ARL10: variants seen among roughly 807,000 people sequenced by gnomAD.
ARL10 encodes ADP-ribosylation factor-like protein 10.
Under a neutral mutation model 26.1 loss-of-function variants are expected in ARL10, and 23 were observed. The observed-to-expected ratio is 0.88, with a 90% confidence interval of 0.63 to 1.25. ARL10 has a LOEUF of 1.25. ARL10 is among the 50% of genes most tolerant of loss of function. The pLI, the probability that ARL10 is intolerant of heterozygous loss-of-function variation, is 0.00. For missense variants in ARL10, 300 were observed against 323.6 expected (o/e 0.93, Z 0.56); for synonymous variants, 138 against 149.1 (o/e 0.93, Z 0.54).
At chr5:176,412,365 C>T in the ARL10 span, among the ~76,000 whole-genome samples, 1 of 152,076 alleles carries the variant, frequency 6.6e-6, no homozygotes, top group South Asian at 2.1e-4. Context: ...TTACTCATGA[C>T]CCCCAGGGTC....
chr5:176,389,208 A>C (rs955167718), downstream of ARL10: 11 of 1,250,506 alleles, frequency 8.8e-6, no homozygotes, highest in Non-Finnish European at 1.1e-5. Context: ...GACTCGACCT[A>C]CCCTCGCCGC....
In ARL10 at chr5:176,365,670, G is replaced by A. The variant is rs1203223120; in HGVS notation, c.107G>A (p.Arg36Gln). The A allele has an allele frequency of 1.6e-6, 2 of 1,249,488 alleles. No homozygotes were observed. Among genetic ancestry groups the A allele is most frequent in the Middle Eastern group, 2.1e-4 (1 of 4,778 alleles). The allele number at this position is 1,249,488 out of a possible 1,614,324, so 77.4% of individuals were successfully genotyped here. A position where few individuals can be genotyped will look rare whatever the true frequency, so the allele number is the denominator to read the frequency against. Residue 36 changes from arginine to glutamine, a missense_variant, in exon 1 of 4, where the codon CGA (arginine) becomes CAA (glutamine). Coordinates refer to ENST00000310389, the MANE Select transcript of ARL10 (RefSeq NM_173664.6). ...ILWKTYFGRG[R>Q]ERRWDRGEAW... ...TGGAAGACCTACTTCGGCCGCGGCC[G>A]AGAGCGGCGCTGGGACCGGGGAGAG...
At chr5:176,367,168 C>T (rs1250611386) in intron 2 of ARL10, among the ~76,000 whole-genome samples, 1 of 152,000 alleles carries the variant, frequency 6.6e-6, no homozygotes, top group African/African-American at 2.4e-5. Flanking sequence ...CCACCACGCC[C>T]GGCTAATTTT....
At chr5:176,400,278 T>C (rs1756754473) in intron 1 of ARL10, among the ~76,000 whole-genome samples, 1 of 152,198 alleles carries the variant, frequency 6.6e-6, no homozygotes, top group Non-Finnish European at 1.5e-5. Context: ...GATTTAATAC[T>C]ATAATATTTG....
At chr5:176,388,574 T>A (rs975052787) in exon 2 of ARL10, 1 of 1,567,846 alleles carries the variant, frequency 6.4e-7, no homozygotes, top group Non-Finnish European at 8.8e-7. Context: ...TCAAACACGC[T>A]GCCTCTGTCT....
At chr5:176,371,585 CCGGGGA>C (rs1768546293) in intron 3 of ARL10, 131 bp from the exon 4 acceptor site, 6 of 571,082 alleles carry the variant, frequency 1.1e-5, no homozygotes, top group African/African-American at 4.0e-5. Context: ...CCTGATATTC[CCGGGGA>C]TAGCCTAAGA....
At chr5:176,412,174 CAAAA>C in the ARL10 span, among the ~76,000 whole-genome samples, 1 of 82,376 alleles carries the variant, frequency 1.2e-5, no homozygotes, top group Non-Finnish European at 2.4e-5. Flanking sequence ...AGACTCATCT[CAAAA>C]AAAAAAAAAA....
chr5:176,370,356 C>G (rs577423659), intron 3 of ARL10, among the ~76,000 whole-genome samples: 1 of 152,296 alleles, frequency 6.6e-6, no homozygotes, highest in African/African-American at 2.4e-5. Context: ...TATCACAGAC[C>G]TTGGGTCCCA....
chr5:176,410,995 G>A, the ARL10 span, among the ~76,000 whole-genome samples: 7 of 152,044 alleles, frequency 4.6e-5, no homozygotes, highest in Non-Finnish European at 1.0e-4. Context: ...ACTCTCTCCC[G>A]CAGCTCAGCC....
the ARL10 span, among the ~76,000 whole-genome samples, chr5:176,408,931 A>G: frequency 1.0e-4 from 15 of 150,260 alleles, no homozygotes; most frequent in African/African-American, 3.2e-4. Flanking sequence ...GGGGCTAACC[A>G]TTGTTAACAG....
chr5:176,413,589 A>G, the ARL10 span, among the ~76,000 whole-genome samples: 6 of 152,200 alleles, frequency 3.9e-5, no homozygotes, highest in African/African-American at 1.2e-4. Flanking sequence ...GGACCCCAAC[A>G]TCTAAGAGAA....
chr5:176,367,488 G>T (rs567995782), intron 2 of ARL10, among the ~76,000 whole-genome samples: 69 of 152,330 alleles, frequency 4.5e-4, no homozygotes, highest in African/African-American at 1.3e-3. Context: ...GTGTCAGCTA[G>T]AGAAAACCCA....
chr5:176,404,662 A>G (rs546476637), downstream of ARL10, among the ~76,000 whole-genome samples: 151 of 152,214 alleles, frequency 9.9e-4, 2 homozygotes, highest in Middle Eastern at 3.4e-3. Flanking sequence ...CATCTCCGCC[A>G]CCTGCCACCA....
At chr5:176,386,829 A>G (rs758511158), downstream of ARL10, 7 of 1,612,110 alleles carry the variant, frequency 4.3e-6, no homozygotes, top group East Asian at 1.3e-4. Context: ...GAATATATGG[A>G]CCACACCCAC....
downstream of ARL10, among the ~76,000 whole-genome samples, chr5:176,389,942 G>A (rs1033294146): frequency 6.6e-6 from 1 of 152,084 alleles, no homozygotes; most frequent in Non-Finnish European, 1.5e-5. Flanking sequence ...CAGCACTCTG[G>A]GAGGCCGAAG....
downstream of ARL10, chr5:176,384,966 C>G: frequency 1.7e-6 from 1 of 580,312 alleles, no homozygotes; most frequent in African/African-American, 1.9e-5. Context: ...GTCTTGAAAA[C>G]AAAAACAAAC....
chr5:176,410,667 G>C, the ARL10 span, among the ~76,000 whole-genome samples: 28 of 151,720 alleles, frequency 1.8e-4, no homozygotes, highest in Non-Finnish European at 3.7e-4. Flanking sequence ...GGAATGGCCA[G>C]ATTACCTGTG....
rs1768658780 is a variant in ARL10, at chr5:176,375,208, T to TCCACC, written c.*3314_*3315insCACCC. 3.5e-5 allele frequency: 1 copy of TCCACC among 28,360 alleles called. No homozygotes were observed. The highest frequency in any genetic ancestry group is 4.7e-4 in the Admixed American group (1 of 2,116). The allele number at this position is 28,360 out of a possible 1,614,324, so 1.8% of individuals were successfully genotyped here. ...TCCACCCATCCATCCATCCATCCAC[T>TCCACC]CATCCACCCATCCACCCATCCATCC... On this transcript the variant is annotated 3_prime_UTR_variant, in exon 4 of 4. Coordinates refer to ENST00000310389, the MANE Select transcript of ARL10 (RefSeq NM_173664.6).
downstream of ARL10, chr5:176,388,672 C>T: frequency 7.6e-7 from 1 of 1,318,998 alleles, no homozygotes; most frequent in Non-Finnish European, 1.1e-6. Context: ...TGTAGCACTA[C>T]CGTGCTGAGC....
Sources: allele counts gnomAD v4.1 joint callset (sites outside exome capture counted in the v4.1 genomes callset), GRCh38; gene constraint gnomAD v4.1.1; transcripts MANE v1.5; gene names NCBI Gene and HGNC (gene_info 2026-07-23, HGNC 2026-07-21).